Variants in HORMAD2 observed in about 807,000 individuals in gnomAD.
HORMAD2 encodes HORMA domain containing 2.
A neutral mutation model predicts 38.8 loss-of-function variants in HORMAD2; 45 were observed. The ratio of observed to expected loss-of-function variants is 1.16; its 90% confidence interval spans 0.91 to 1.49. The LOEUF is 1.49. Among genes scored for constraint, HORMAD2 ranks in the 40% most tolerant of loss-of-function variants. The probability of loss-of-function intolerance (pLI) is 0.00; values close to 1 mark genes in which losing one functional copy is unlikely to be tolerated. For missense variants in HORMAD2, 338 were observed against 367.0 expected (o/e 0.92, Z 0.65); for synonymous variants, 126 against 122.8 (o/e 1.03, Z -0.17).
chr22:30,155,974 ACT>A (rs1187848400), intron 10 of HORMAD2, among the ~76,000 whole-genome samples: 1 of 151,922 alleles, frequency 6.6e-6, no homozygotes, highest in Middle Eastern at 3.4e-3. Context: ...AAGCTTTGAC[ACT>A]CTGCCTTGGG....
At chr22:30,080,078 C>G (rs1428383006), upstream of HORMAD2, 14 of 152,390 alleles carry the variant, frequency 9.2e-5, no homozygotes, top group Admixed American at 9.2e-4. Flanking sequence ...TGGGACCCGC[C>G]GGCCTGGCGT....
chr22:30,156,968 T>G (rs1001259342), intron 10 of HORMAD2, among the ~76,000 whole-genome samples: 34 of 152,218 alleles, frequency 2.2e-4, no homozygotes, highest in African/African-American at 8.2e-4. Context: ...AGAGGCAAAT[T>G]TAGCCTTTTT....
intron 10 of HORMAD2, among the ~76,000 whole-genome samples, chr22:30,161,191 T>A (rs1322769000): frequency 6.6e-6 from 1 of 152,194 alleles, no homozygotes; most frequent in African/African-American, 2.4e-5. Context: ...CCAATAGAGA[T>A]CTTCCATCTT....
At chr22:30,127,418 A>G (rs372221771) in intron 10 of HORMAD2, among the ~76,000 whole-genome samples, 1 of 152,098 alleles carries the variant, frequency 6.6e-6, no homozygotes, top group East Asian at 1.9e-4. Context: ...AATGTTGGTC[A>G]GGCTGGTCTC....
chr22:30,118,289 G>T (rs925881478), intron 7 of HORMAD2, among the ~76,000 whole-genome samples: 2 of 151,896 alleles, frequency 1.3e-5, no homozygotes. Context: ...CCTAGAAGAG[G>T]CATCCCTCCC....
chr22:30,163,264 T>C (rs1272722897), intron 10 of HORMAD2, among the ~76,000 whole-genome samples: 2 of 152,176 alleles, frequency 1.3e-5, no homozygotes, highest in Non-Finnish European at 2.9e-5. Flanking sequence ...TCTTTGTGCA[T>C]ATATGGGAGC....
intron 7 of HORMAD2, among the ~76,000 whole-genome samples, chr22:30,114,623 C>T (rs1174809131): frequency 6.6e-6 from 1 of 152,156 alleles, no homozygotes; most frequent in Non-Finnish European, 1.5e-5. Context: ...CAAAATTGCA[C>T]AAACAATAAC....
Position 30,173,811 on chromosome 22 carries a change from G to A in HORMAD2, c.820-2252G>A, listed in dbSNP as rs543960362. ...AAAGACAGCCAAAGACAGAACTTTA[G>A]GAGAACATTCAAGTAACAAGCATTT... On this transcript the variant is annotated intron_variant, in intron 10 of 10. Coordinates refer to ENST00000336726, the MANE Select transcript of HORMAD2 (RefSeq NM_152510.4). Among the ~76,000 whole-genome samples the A allele has an allele frequency of 2.6e-5, 4 of 152,292 alleles. No individual in the cohort carries two copies. The East Asian group carries it at 5.8e-4, about 22-fold the overall frequency.
intron 1 of HORMAD2, among the ~76,000 whole-genome samples, chr22:30,088,256 CATAT>C (rs1223639826): frequency 6.7e-6 from 1 of 150,030 alleles, no homozygotes; most frequent in Non-Finnish European, 1.5e-5. Flanking sequence ...CATATACACA[CATAT>C]ATACATATAT....
intron 2 of HORMAD2, among the ~76,000 whole-genome samples, chr22:30,097,666 A>G (rs1454915776): frequency 6.6e-6 from 1 of 152,216 alleles, no homozygotes; most frequent in Non-Finnish European, 1.5e-5. Context: ...GAAGGGGTGC[A>G]AGATGAGGCA....
At chr22:30,205,560 AT>A in the HORMAD2 span, among the ~76,000 whole-genome samples, 9 of 152,074 alleles carry the variant, frequency 5.9e-5, no homozygotes, top group Non-Finnish European at 1.0e-4. Flanking sequence ...CTGGGGAAAA[AT>A]CTTCAGAGAC....
intron 5 of HORMAD2, among the ~76,000 whole-genome samples, chr22:30,106,014 T>A (rs1331864336): frequency 6.6e-6 from 1 of 152,188 alleles, no homozygotes; most frequent in African/African-American, 2.4e-5. Context: ...TATTTATTAA[T>A]TTTTTTGTGA....
At chr22:30,144,624 G>A (rs904812438) in intron 10 of HORMAD2, among the ~76,000 whole-genome samples, 6 of 152,038 alleles carry the variant, frequency 3.9e-5, no homozygotes, top group East Asian at 3.9e-4. Flanking sequence ...GCTGATGGCC[G>A]AGTGGAGGGG....
At chr22:30,183,194 T>C in the HORMAD2 span, among the ~76,000 whole-genome samples, 1 of 152,190 alleles carries the variant, frequency 6.6e-6, no homozygotes, top group Non-Finnish European at 1.5e-5. Flanking sequence ...CAGGAGACTA[T>C]TGCATTAATA....
intron 10 of HORMAD2, among the ~76,000 whole-genome samples, chr22:30,155,442 C>G (rs1047084608): frequency 1.3e-5 from 2 of 152,120 alleles, no homozygotes; most frequent in African/African-American, 4.8e-5. Context: ...GGAGCCTCTT[C>G]AAGTTGGCTC....
chr22:30,193,596 G>A, the HORMAD2 span, among the ~76,000 whole-genome samples: 1 of 152,278 alleles, frequency 6.6e-6, no homozygotes, highest in African/African-American at 2.4e-5. Context: ...GACAGTCAGA[G>A]AGACAAAACA....
At chr22:30,096,157 G>A (rs551643044) in intron 2 of HORMAD2, among the ~76,000 whole-genome samples, 24 of 152,194 alleles carry the variant, frequency 1.6e-4, no homozygotes, top group Non-Finnish European at 3.1e-4. Context: ...CATTGGGGGC[G>A]TATACCCCAG....
chr22:30,123,698 C>T (rs1054537211), intron 10 of HORMAD2, among the ~76,000 whole-genome samples: 2 of 151,298 alleles, frequency 1.3e-5, no homozygotes, highest in African/African-American at 4.9e-5. Context: ...GAGTCTTGCT[C>T]TGTTGTCCAG....
At chr22:30,106,409 C>G (rs1921201043) in intron 5 of HORMAD2, among the ~76,000 whole-genome samples, 1 of 151,866 alleles carries the variant, frequency 6.6e-6, no homozygotes, top group African/African-American at 2.4e-5. Context: ...TGATGCATGC[C>G]AAAAGACAGA....
Sources: gnomAD v4.1 joint callset for allele counts (sites outside exome capture counted in the v4.1 genomes callset) on GRCh38, gnomAD v4.1.1 for gene constraint, MANE v1.5 for transcripts, NCBI Gene and HGNC (gene_info 2026-07-23, HGNC 2026-07-21) for gene names.